CRPPA: variants seen among roughly 807,000 people sequenced by gnomAD.
CRPPA encodes D-ribitol-5-phosphate cytidylyltransferase.
A neutral mutation model predicts 52.0 loss-of-function variants in CRPPA; 43 were observed. That is an observed-to-expected ratio of 0.83 (90% CI 0.65 to 1.07). CRPPA has a LOEUF of 1.07. Ranked by LOEUF, CRPPA falls within the 50% of genes least tolerant of loss-of-function variation. CRPPA has a pLI of 0.00. For synonymous variants in CRPPA, 250 were observed against 203.5 expected, an observed-to-expected ratio of 1.23 and a Z score of -1.94; for missense variants, 629 against 551.7, an observed-to-expected ratio of 1.14 and a Z score of -1.40.
chr7:16,176,464 C>T (rs1048675243), intron 9 of CRPPA, among the ~76,000 whole-genome samples: 3 of 151,968 alleles, frequency 2.0e-5, no homozygotes, highest in African/African-American at 7.3e-5. Flanking sequence ...AAATTGAAAC[C>T]ACATGAGGTA....
chr7:16,371,710 T>C (rs571235878), intron 3 of CRPPA, among the ~76,000 whole-genome samples: 18 of 151,162 alleles, frequency 1.2e-4, no homozygotes, highest in Admixed American at 3.3e-4. Context: ...CAAACCAAGA[T>C]GAAATCTCTG....
intron 2 of CRPPA, among the ~76,000 whole-genome samples, chr7:16,394,175 G>A (rs1378361673): frequency 6.6e-6 from 1 of 151,742 alleles, no homozygotes; most frequent in Non-Finnish European, 1.5e-5. Context: ...CTTGCACATG[G>A]GCACAAGATA....
chr7:16,348,633 C>A (rs887999970), intron 3 of CRPPA, among the ~76,000 whole-genome samples: 8 of 152,092 alleles, frequency 5.3e-5, no homozygotes, highest in African/African-American at 1.7e-4. Context: ...AAAAAACTCT[C>A]ATTTTCTCTG....
intron 3 of CRPPA, among the ~76,000 whole-genome samples, chr7:16,338,547 G>A (rs183845289): frequency 1.6e-3 from 239 of 151,640 alleles, no homozygotes; most frequent in Middle Eastern, 6.8e-3. Flanking sequence ...AAAAAAGAGG[G>A]TAAAAATTAC....
chr7:16,147,379 C>A (rs1233677617), intron 9 of CRPPA, among the ~76,000 whole-genome samples: 1 of 152,128 alleles, frequency 6.6e-6, no homozygotes, highest in African/African-American at 2.4e-5. Flanking sequence ...GGGATTAACC[C>A]CCAAAATCAA....
intron 3 of CRPPA, among the ~76,000 whole-genome samples, chr7:16,352,300 C>A (rs1786176612): frequency 6.6e-6 from 1 of 151,504 alleles, no homozygotes; most frequent in South Asian, 2.1e-4. Flanking sequence ...AACATTAGGA[C>A]AAAAAACTTA....
At chr7:16,313,645 T>C (rs142663922) in intron 3 of CRPPA, among the ~76,000 whole-genome samples, 70 of 152,144 alleles carry the variant, frequency 4.6e-4, no homozygotes, top group African/African-American at 1.6e-3. Context: ...CTTTCTTTTT[T>C]AACATATGCA....
intron 9 of CRPPA, among the ~76,000 whole-genome samples, chr7:16,181,440 T>A (rs1274250161): frequency 6.6e-6 from 1 of 152,002 alleles, no homozygotes; most frequent in East Asian, 1.9e-4. Flanking sequence ...ATTTTCATGA[T>A]GTTAAACAGG....
At chr7:16,235,793 A>G (rs746623455) in intron 8 of CRPPA, 3 of 152,068 alleles carry the variant, frequency 2.0e-5, no homozygotes, top group Non-Finnish European at 4.4e-5. Context: ...GTACTATTCG[A>G]AAAGGGCAAG....
At chr7:16,195,941 CA>C (rs1335895965) in intron 9 of CRPPA, among the ~76,000 whole-genome samples, 1 of 152,038 alleles carries the variant, frequency 6.6e-6, no homozygotes, top group East Asian at 1.9e-4. Flanking sequence ...ATCCCATCCC[CA>C]AAAAGCCAAA....
intron 9 of CRPPA, among the ~76,000 whole-genome samples, chr7:16,118,372 C>T (rs1166756250): frequency 6.6e-6 from 1 of 152,168 alleles, no homozygotes; most frequent in African/African-American, 2.4e-5. Flanking sequence ...CTGCACTGCT[C>T]CTACACGTGA....
intron 9 of CRPPA, among the ~76,000 whole-genome samples, chr7:16,212,753 C>G (rs1396459437): frequency 6.6e-6 from 1 of 152,164 alleles, no homozygotes; most frequent in Non-Finnish European, 1.5e-5. Flanking sequence ...GTTCTGACAT[C>G]TGCATTTTAC....
chr7:16,324,719 A>G (rs1785340735), intron 3 of CRPPA, among the ~76,000 whole-genome samples: 1 of 152,154 alleles, frequency 6.6e-6, no homozygotes, highest in Non-Finnish European at 1.5e-5. Flanking sequence ...TAACAACACA[A>G]CTATAAAAGG....
intron 9 of CRPPA, among the ~76,000 whole-genome samples, chr7:16,138,421 G>A (rs891463688): frequency 3.9e-5 from 6 of 152,104 alleles, no homozygotes; most frequent in African/African-American, 1.4e-4. Context: ...TTCAAAAACT[G>A]TATACCAAGA....
At chr7:16,367,366 A>C (rs1786627948) in intron 3 of CRPPA, among the ~76,000 whole-genome samples, 1 of 152,210 alleles carries the variant, frequency 6.6e-6, no homozygotes, top group Admixed American at 6.5e-5. Context: ...AAAGGAGAAG[A>C]AATGGGGAAC....
chr7:16,365,778 G>A (rs1786574713), intron 3 of CRPPA, among the ~76,000 whole-genome samples: 1 of 152,070 alleles, frequency 6.6e-6, no homozygotes, highest in South Asian at 2.1e-4. Flanking sequence ...TGGCCACAAA[G>A]TAATATATTA....
intron 9 of CRPPA, among the ~76,000 whole-genome samples, chr7:16,186,594 C>T (rs1406961390): frequency 1.8e-4 from 28 of 152,168 alleles, no homozygotes; most frequent in Admixed American, 1.8e-3. Context: ...CTGGTTGATA[C>T]ATTTATTATT....
chr7:16,343,541 T>C (rs1440808467), intron 3 of CRPPA, among the ~76,000 whole-genome samples: 1 of 152,198 alleles, frequency 6.6e-6, no homozygotes, highest in African/African-American at 2.4e-5. Context: ...TGTTTTTAGT[T>C]GATCTGACTC....
intron 8 of CRPPA, among the ~76,000 whole-genome samples, chr7:16,228,010 A>G (rs1238708901): frequency 2.0e-5 from 3 of 151,852 alleles, no homozygotes; most frequent in Non-Finnish European, 4.4e-5. Flanking sequence ...TGCATTCTCT[A>G]TTGTGTGTTC....
Sources: gnomAD v4.1 joint callset for allele counts (sites outside exome capture counted in the v4.1 genomes callset) on GRCh38, gnomAD v4.1.1 for gene constraint, MANE v1.5 for transcripts, NCBI Gene and HGNC (gene_info 2026-07-23, HGNC 2026-07-21) for gene names.